WASF1: variants seen among roughly 807,000 people sequenced by gnomAD.
The protein encoded by WASF1 is actin-binding protein WASF1.
WASF1 carries 7 observed loss-of-function variants against 50.5 expected under a neutral mutation model. The observed-to-expected ratio is 0.14, with a 90% CI of 0.08 to 0.26. The LOEUF (loss-of-function observed/expected upper bound fraction) is 0.26, where lower values mean the gene tolerates loss of function less well. WASF1 is among the 10% of genes least tolerant of loss of function. The pLI is 1.00. For synonymous variants in WASF1, 205 were observed against 244.0 expected, an observed-to-expected ratio of 0.84 and a Z score of 1.49; for missense variants, 470 against 694.7, an observed-to-expected ratio of 0.68 and a Z score of 3.64.
rs549504720 is a variant in WASF1 at position 110,107,828 on chromosome 6, C to T, written c.423-634G>A. Among the ~76,000 whole-genome samples, 7 of 152,016 alleles carry T rather than the reference C, an allele frequency of 4.6e-5. No homozygotes were observed. In the South Asian group the frequency reaches 1.5e-3, roughly 32 times the overall value. On this transcript the variant is annotated intron_variant, in intron 6 of 10. Coordinates refer to ENST00000392589, the MANE Select transcript of WASF1 (RefSeq NM_003931.3). Reference sequence around the variant, plus strand: ...TAAAAAGCATTTTATAAAGGTACTACCTATTCATTATGTAAGAAGTTAATG... The same window carrying T: ...TAAAAAGCATTTTATAAAGGTACTATCTATTCATTATGTAAGAAGTTAATG...
rs1308943964 is a variant in WASF1 at position 110,108,521 on chromosome 6, T to C, written c.422+7A>G. 2 of 1,601,976 alleles carry C rather than the reference T, an allele frequency of 1.2e-6. No homozygotes were observed. Among genetic ancestry groups the C allele is most frequent in the South Asian group, 2.2e-5 (2 of 89,408 alleles). ...ATAATAGGGCTACTATTTATTAACCTACCTACCTATAAGGAGTGAGTATAT... is the reference window on the plus strand; with the variant it reads ...ATAATAGGGCTACTATTTATTAACCCACCTACCTATAAGGAGTGAGTATAT... On this transcript the variant is annotated splice_region_variant and intron_variant, in intron 6 of 10. Transcript: ENST00000392589.
chr6:110,166,628 G>A (rs1183158167), intron 2 of WASF1, among the ~76,000 whole-genome samples: 2 of 151,802 alleles, frequency 1.3e-5, no homozygotes, highest in Non-Finnish European at 2.9e-5. Context: ...TATTTAATCT[G>A]TAAAATTTAA....
chr6:110,103,527 T>A lies in WASF1; in HGVS notation c.744A>T (p.Gly248=). 1.2e-6 allele frequency: 2 copies of A among 1,613,728 alleles called. No homozygotes were observed. Among genetic ancestry groups the A allele is most frequent in the Non-Finnish European group, 1.7e-6 (2 of 1,179,752 alleles). The change falls in exon 9 of 11, where the codon GGA becomes GGT. Residue 248 remains glycine, a synonymous_variant. Transcript: ENST00000392589. ...ATGGCAAGGCAGAAAGTGAGTAAGA[T>A]CCATCCATATGATCCACGTATGTCT... ...RPQTYVDHMD[G]SYSLSALPFS...
chr6:110,118,687 A>C (rs147063621), intron 4 of WASF1, among the ~76,000 whole-genome samples: 2 of 152,322 alleles, frequency 1.3e-5, no homozygotes, highest in Non-Finnish European at 1.5e-5. Flanking sequence ...CTCTGGACCA[A>C]GCAGACCTAA....
chr6:110,121,309 G>C (rs1176430365), intron 4 of WASF1, among the ~76,000 whole-genome samples: 6 of 151,952 alleles, frequency 3.9e-5, no homozygotes, highest in Admixed American at 3.9e-4. Context: ...TTAATATCCA[G>C]AATCTACAAA....
rs575084186 is a variant in WASF1, at chr6:110,148,568, T to G, written c.-29+12067A>C. Among the ~76,000 whole-genome samples the G allele has an allele frequency of 3.3e-5, 5 of 152,106 alleles. No homozygotes were observed. In the East Asian group the frequency reaches 9.7e-4, roughly 29 times the overall value. ...AATAATGAGAGCAAGCCATCATGGG[T>G]GAAGTGCAATCAGAGACTCTAGGGT... On this transcript the variant is annotated intron_variant, in intron 3 of 10. Coordinates refer to ENST00000392589, the MANE Select transcript of WASF1 (RefSeq NM_003931.3).
intron 3 of WASF1, among the ~76,000 whole-genome samples, chr6:110,150,699 T>C (rs2114579346): frequency 6.6e-6 from 1 of 152,292 alleles, no homozygotes; most frequent in East Asian, 1.9e-4. Context: ...AAATTGAAGA[T>C]TTTGAACTTT....
intron 2 of WASF1, among the ~76,000 whole-genome samples, chr6:110,161,971 G>C (rs1776277259): frequency 1.3e-5 from 2 of 151,564 alleles, no homozygotes; most frequent in South Asian, 4.1e-4. Context: ...CACCAAATGA[G>C]TTTAAATAAA....
intron 2 of WASF1, among the ~76,000 whole-genome samples, chr6:110,174,048 C>A (rs1163025275): frequency 6.6e-6 from 1 of 152,116 alleles, no homozygotes; most frequent in Non-Finnish European, 1.5e-5. Context: ...AAATCCTTAA[C>A]CTCGTTAAAC....
intron 3 of WASF1, among the ~76,000 whole-genome samples, chr6:110,135,660 A>G (rs1404601007): frequency 2.0e-5 from 3 of 151,526 alleles, no homozygotes; most frequent in Admixed American, 2.0e-4. Flanking sequence ...AAGGGCTTAG[A>G]ATTAAGGTAG....
Position 110,111,663 on chromosome 6 carries a change from C to T in WASF1, c.268+1663G>A, listed in dbSNP as rs563489378. Reference sequence around the variant, plus strand: ...AAAAGAAGCCAGTCACAAAAGACCACATACTGTACTATTCATTCATATGAA... The same window carrying T: ...AAAAGAAGCCAGTCACAAAAGACCATATACTGTACTATTCATTCATATGAA... On this transcript the variant is annotated intron_variant, in intron 5 of 10. Coordinates refer to ENST00000392589, the MANE Select transcript of WASF1 (RefSeq NM_003931.3). Among the ~76,000 whole-genome samples, 8 of 152,268 alleles carry T rather than the reference C, an allele frequency of 5.3e-5. No individual in the cohort carries two copies. In the East Asian group the frequency reaches 9.6e-4, roughly 18 times the overall value.
chr6:110,146,169 A>G (rs929632547), intron 3 of WASF1, among the ~76,000 whole-genome samples: 4 of 152,254 alleles, frequency 2.6e-5, no homozygotes, highest in East Asian at 1.9e-4. Flanking sequence ...ACAATACAGT[A>G]TTAAATACTT....
chr6:110,120,048 A>T (rs533323255), intron 4 of WASF1, among the ~76,000 whole-genome samples: 28 of 152,324 alleles, frequency 1.8e-4, no homozygotes, highest in Non-Finnish European at 3.4e-4. Flanking sequence ...TCTCAAAATA[A>T]TAAGAGCTAT....
At chr6:110,171,287 A>G (rs1453472011) in intron 2 of WASF1, among the ~76,000 whole-genome samples, 1 of 152,198 alleles carries the variant, frequency 6.6e-6, no homozygotes, top group Admixed American at 6.5e-5. Flanking sequence ...GATAGATGGG[A>G]AAATCTCAAA....
rs147861472 is a variant in WASF1, at chr6:110,126,191, A to G, written c.133+1278T>C. On this transcript the variant is annotated intron_variant, in intron 4 of 10. Transcript: ENST00000392589. ...TGTTATACTTGATTCAATCCGTGCT[A>G]GGTCACAAAAAATCTGCAAAATATC... Among the ~76,000 whole-genome samples the G allele has an allele frequency of 3.1e-3, 474 of 152,300 alleles. 1 individual carries two copies. The highest frequency in any genetic ancestry group is 0.011 in the African/African-American group (451 of 41,586).
intron 3 of WASF1, among the ~76,000 whole-genome samples, chr6:110,153,101 T>C (rs1265190145): frequency 6.6e-6 from 1 of 152,228 alleles, no homozygotes; most frequent in African/African-American, 2.4e-5. Flanking sequence ...GTTTTGATTA[T>C]TGTAAATAAA....
At chr6:110,130,395 G>A (rs1262071437) in intron 3 of WASF1, among the ~76,000 whole-genome samples, 1 of 151,994 alleles carries the variant, frequency 6.6e-6, no homozygotes, top group Non-Finnish European at 1.5e-5. Context: ...GCATTTCCTT[G>A]TTTTTCTTTT....
chr6:110,159,108 T>C (rs1375288269), intron 3 of WASF1, among the ~76,000 whole-genome samples: 3 of 151,990 alleles, frequency 2.0e-5, no homozygotes, highest in East Asian at 1.9e-4. Context: ...GTATGTCCCA[T>C]AGCAACTAAC....
In WASF1 at chr6:110,113,315, A is replaced by T. The variant is rs940004937; in HGVS notation, c.268+11T>A. On this transcript the variant is annotated intron_variant, in intron 5 of 10. Coordinates refer to ENST00000392589, the MANE Select transcript of WASF1 (RefSeq NM_003931.3). ...TATACGTAGAAGAAAATACAATATT[A>T]ATAAGCTTACATTCTTCTTCCTTTG... The T allele has an allele frequency of 1.3e-6, 2 of 1,535,224 alleles. No individual in the cohort carries two copies. The highest frequency in any genetic ancestry group is 1.7e-6 in the Non-Finnish European group (2 of 1,144,174).
Sources: allele counts gnomAD v4.1 joint callset (sites outside exome capture counted in the v4.1 genomes callset), GRCh38; gene constraint gnomAD v4.1.1; transcripts MANE v1.5; gene names NCBI Gene and HGNC (gene_info 2026-07-23, HGNC 2026-07-21).